Variants in ARHGEF40 observed in about 807,000 individuals in gnomAD.
ARHGEF40 encodes Rho guanine nucleotide exchange factor 40.
In ARHGEF40, 98 loss-of-function variants were observed where a neutral mutation model predicts 165.9. The observed-to-expected ratio is 0.59, with a 90% CI of 0.50 to 0.70. The LOEUF (loss-of-function observed/expected upper bound fraction) is 0.70, where lower values mean the gene tolerates loss of function less well. ARHGEF40 is among the 30% of genes least tolerant of loss of function. The pLI, the probability that ARHGEF40 is intolerant of heterozygous loss-of-function variation, is 0.00. For missense variants in ARHGEF40, 1,815 were observed against 1,968.0 expected (o/e 0.92, Z 1.47); for synonymous variants, 792 against 814.3 (o/e 0.97, Z 0.47).
At chr14:21,078,777 C>A in intron 10 of ARHGEF40, 107 bp from the exon 11 acceptor site, 1 of 1,475,728 alleles carries the variant, frequency 6.8e-7, no homozygotes. Flanking sequence ...GCTTTTGATC[C>A]ATGCTGCTAT....
At chr14:21,069,935 A>G (rs1443299607), upstream of ARHGEF40, among the ~76,000 whole-genome samples, 1 of 152,214 alleles carries the variant, frequency 6.6e-6, no homozygotes, top group Non-Finnish European at 1.5e-5. Context: ...CGCACGCCCC[A>G]GCCTTTGGAG....
At chr14:21,086,907 GA>G (rs768361533) in intron 19 of ARHGEF40, 93 bp from the exon 20 acceptor site, 109,012 of 669,280 alleles carry the variant, frequency 0.16, 99 homozygotes, top group East Asian at 0.21. Context: ...GGGAAGGAAC[GA>G]AAAAAAAAAA....
rs1594584647 is a variant in ARHGEF40 at position 21,088,040 on chromosome 14, A to C, written c.4460A>C (p.His1487Pro). The change falls in exon 22 of 24, where the codon CAC becomes CCC. Residue 1487 changes from histidine to proline, a missense_variant. Coordinates refer to ENST00000298694, the MANE Select transcript of ARHGEF40 (RefSeq NM_018071.5). ...PRNSPSLQPP[H>P]PGSSTPTLAS... is the part of the protein sequence containing the mutation. Reference sequence around the variant, plus strand: ...AACAGCCCCAGCCTGCAACCCCCCCACCCTGGGAGCAGCACTCCCACCCTG... The same window carrying C: ...AACAGCCCCAGCCTGCAACCCCCCCCCCCTGGGAGCAGCACTCCCACCCTG... 1 of 1,613,552 alleles carries C rather than the reference A, an allele frequency of 6.2e-7. No individual in the cohort carries two copies. Among genetic ancestry groups the C allele is most frequent in the African/African-American group, 1.3e-5 (1 of 74,870 alleles).
In ARHGEF40 at chr14:21,082,935, C is replaced by T; in HGVS notation, c.3573+18C>T. 1 of 1,610,386 alleles carries T rather than the reference C, an allele frequency of 6.2e-7. No individual in the cohort carries two copies. The highest frequency in any genetic ancestry group is 2.2e-5 in the East Asian group (1 of 44,874). On this transcript the variant is annotated intron_variant, in intron 16 of 23. Coordinates refer to ENST00000298694, the MANE Select transcript of ARHGEF40 (RefSeq NM_018071.5). ...TAAGCAAGGTAACTTTTTCTCCAAC[C>T]TTCAGGAGAAAAGTAGAGAGGCCAG...
chr14:21,079,914 G>A (rs1887737986), intron 11 of ARHGEF40, among the ~76,000 whole-genome samples: 1 of 152,122 alleles, frequency 6.6e-6, no homozygotes, highest in South Asian at 2.1e-4. Context: ...TGTTGGACAA[G>A]TCATGAAGCT....
chr14:21,071,681 G>A (rs912561008), intron 1 of ARHGEF40, among the ~76,000 whole-genome samples: 4 of 151,164 alleles, frequency 2.6e-5, no homozygotes, highest in Non-Finnish European at 5.9e-5. Context: ...CGCCCCTAAT[G>A]GGTTGCAGCT....
At chr14:21,070,279 C>T, upstream of ARHGEF40, 1 of 1,113,312 alleles carries the variant, frequency 9.0e-7, no homozygotes, top group Non-Finnish European at 1.1e-6. This position sits in a 1 kb window ranked among gnomAD's most constrained non-coding sequence, Gnocchi z 4.7. Flanking sequence ...CGAGCCGCCA[C>T]CGCGGCCGGA....
chr14:21,064,769 C>T, the ARHGEF40 span, among the ~76,000 whole-genome samples: 2 of 152,218 alleles, frequency 1.3e-5, no homozygotes, highest in Non-Finnish European at 2.9e-5. Context: ...AGTCCATAAG[C>T]GACTTTGGAA....
Position 21,072,471 on chromosome 14 carries a change from C to T in ARHGEF40, c.4-574C>T, listed in dbSNP as rs2139204886. ...TAGAAAGACCCAAGACAGTCACAGACAGTCTTTCCATCCTCCTCTTTCCAC... is the reference window on the plus strand; with the variant it reads ...TAGAAAGACCCAAGACAGTCACAGATAGTCTTTCCATCCTCCTCTTTCCAC... On this transcript the variant is annotated intron_variant, in intron 1 of 23. Transcript: ENST00000298694. The surrounding 1 kb of genome is among the most constrained non-coding windows in gnomAD (Gnocchi z 4.1). 6.6e-6 allele frequency among the ~76,000 whole-genome samples: 1 copy of T among 152,284 alleles called. No homozygotes were observed. The highest frequency in any genetic ancestry group is 1.5e-5 in the Non-Finnish European group (1 of 68,012).
chr14:21,065,521 T>C (rs868582581), upstream of ARHGEF40, among the ~76,000 whole-genome samples: 3 of 152,216 alleles, frequency 2.0e-5, no homozygotes, highest in Middle Eastern at 3.4e-3. Context: ...GAAAGGTGAG[T>C]CTATTATGAT....
At position 21,090,246 on chromosome 14, in the gene ARHGEF40, A is replaced by G; in HGVS notation, c.*1238A>G. 1 of 660,088 alleles carries G rather than the reference A, an allele frequency of 1.5e-6. No individual in the cohort carries two copies. The highest frequency in any genetic ancestry group is 1.8e-5 in the African/African-American group (1 of 56,470). 40.9% of individuals were successfully genotyped at this position (660,088 alleles called of 1,614,324 possible). A position where few individuals can be genotyped will look rare whatever the true frequency, so the allele number is the denominator to read the frequency against. ...TAAACTCTCACGCCTATGGACCAGC[A>G]AAGACTGGCAGAGTGGCTCCTCAAC... On this transcript the variant is annotated 3_prime_UTR_variant, in exon 24 of 24. Transcript: ENST00000298694. The surrounding 1 kb of genome is among the most constrained non-coding windows in gnomAD (Gnocchi z 4.4).
chr14:21,084,693 C>G, intron 17 of ARHGEF40, 60 bp from the exon 18 acceptor site: 2 of 1,551,744 alleles, frequency 1.3e-6, no homozygotes, highest in Non-Finnish European at 1.7e-6. Context: ...TATTTTTGCT[C>G]CCTGTAAAAT....
rs760877814 is a variant in ARHGEF40, at chr14:21,087,412, G to A, written c.4336G>A (p.Ala1446Thr). Residue 1446 changes from alanine to threonine, a missense_variant, in exon 21 of 24, where the codon GCC (alanine) becomes ACC (threonine). Transcript: ENST00000298694. ...TTCGCCGGGAGCCTGCTCCCTGCCT[G>A]CCCGCGTCGAGGAGGAGGCCTGGGA... is the stretch of plus-strand genomic sequence containing the variant. The part of the protein sequence containing the change: ...GLSPGACSLP[A>T]RVEEEAWDLD... 6.2e-7 allele frequency: 1 copy of A among 1,601,870 alleles called. No homozygotes were observed. The highest frequency in any genetic ancestry group is 8.5e-7 in the Non-Finnish European group (1 of 1,179,928).
At chr14:21,062,144 G>A in the ARHGEF40 span, among the ~76,000 whole-genome samples, 2 of 152,198 alleles carry the variant, frequency 1.3e-5, no homozygotes, top group African/African-American at 4.8e-5. Flanking sequence ...AAACATAAGT[G>A]TTAAAAAGCC....
At chr14:21,078,638 C>A in intron 10 of ARHGEF40, 150 bp downstream of exon 10, 2 of 941,336 alleles carry the variant, frequency 2.1e-6, no homozygotes, top group Non-Finnish European at 3.1e-6. Flanking sequence ...TCATAACCCT[C>A]ACAACATCCT....
At chr14:21,088,217 C>G in intron 22 of ARHGEF40, 119 bp downstream of exon 22, 1 of 1,268,046 alleles carries the variant, frequency 7.9e-7, no homozygotes, top group Non-Finnish European at 1.1e-6. Flanking sequence ...GTGCTCCCAG[C>G]TGAGGCTACA....
intron 16 of ARHGEF40, 62 bp downstream of exon 16, chr14:21,082,979 C>A (rs904608863): frequency 1.4e-6 from 2 of 1,463,586 alleles, no homozygotes; most frequent in Non-Finnish European, 9.5e-7. Flanking sequence ...AAAAACCCAC[C>A]CAACAAATCC....
intron 11 of ARHGEF40, among the ~76,000 whole-genome samples, chr14:21,079,581 T>A (rs931457362): frequency 7.9e-5 from 12 of 152,220 alleles, no homozygotes; most frequent in Admixed American, 3.3e-4. Flanking sequence ...AGGGATTTGC[T>A]CTCCACCCTA....
In ARHGEF40 at chr14:21,081,989, G is replaced by A. The variant is rs763064411; in HGVS notation, c.3121G>A (p.Glu1041Lys). ...AAGAGCTGTGCTGATCCGAGGCCTG[G>A]AGGTCACCAGCACTGAGGTGGTAGA... ...PPRAVLIRGL[E>K]VTSTEVVDRT... The change falls in exon 14 of 24, where the codon GAG becomes AAG. Residue 1041 changes from glutamate (E) to lysine (K), a missense_variant. Physicochemically the swap from Glu to Lys is moderately conservative, Grantham distance 56. Coordinates refer to ENST00000298694, the MANE Select transcript of ARHGEF40 (RefSeq NM_018071.5). The A allele has an allele frequency of 6.3e-7, 1 of 1,585,942 alleles. No individual in the cohort carries two copies. The highest frequency in any genetic ancestry group is 2.3e-5 in the East Asian group (1 of 43,212).
Sources: allele counts gnomAD v4.1 joint callset (sites outside exome capture counted in the v4.1 genomes callset), GRCh38; gene constraint gnomAD v4.1.1; non-coding constraint Gnocchi (gnomAD v3.1); transcripts MANE v1.5; gene names NCBI Gene and HGNC (gene_info 2026-07-23, HGNC 2026-07-21).